Variants in CAPZB observed in about 807,000 individuals in gnomAD.
CAPZB encodes the protein F-actin-capping protein subunit beta.
A neutral mutation model predicts 38.1 loss-of-function variants in CAPZB; 2 were observed. The observed-to-expected ratio is 0.05, with a 90% CI of 0.02 to 0.17. The LOEUF (loss-of-function observed/expected upper bound fraction) is 0.17. Ranked by LOEUF, CAPZB falls within the 10% of genes least tolerant of loss-of-function variation. The pLI, the probability that CAPZB is intolerant of heterozygous loss-of-function variation, is 1.00. For synonymous variants in CAPZB, 107 were observed against 127.4 expected (o/e 0.84, Z 1.08); for missense variants, 161 against 334.2 (o/e 0.48, Z 4.04).
At chr1:19,473,721 G>A (rs751044201) in intron 1 of CAPZB, among the ~76,000 whole-genome samples, 4 of 152,096 alleles carry the variant, frequency 2.6e-5, no homozygotes, top group East Asian at 1.9e-4. Flanking sequence ...AAAATCAGCC[G>A]GGCATAGTGG....
At chr1:19,475,688 A>G (rs1500968) in intron 1 of CAPZB, among the ~76,000 whole-genome samples, 128,042 of 152,264 alleles carry the variant, frequency 0.84, 56,484 homozygotes, top group Non-Finnish European at 0.97. Flanking sequence ...CTAGTCTCAC[A>G]GTGGAATTGC....
At chr1:19,482,542 G>C (rs2094633399) in intron 1 of CAPZB, among the ~76,000 whole-genome samples, 1 of 152,210 alleles carries the variant, frequency 6.6e-6, no homozygotes, top group Non-Finnish European at 1.5e-5. Context: ...GCTGTGTAAG[G>C]AACGGTGCTC....
intron 1 of CAPZB, among the ~76,000 whole-genome samples, chr1:19,443,927 T>C (rs2094487583): frequency 6.6e-6 from 1 of 152,200 alleles, no homozygotes; most frequent in Non-Finnish European, 1.5e-5. Flanking sequence ...GGGTTCATAG[T>C]GCCCCTCTGT....
rs142628219 is a variant in CAPZB at position 19,347,659 on chromosome 1, C to T, written c.589-2407G>A. Among the ~76,000 whole-genome samples, 1,029 of 152,300 alleles carry T rather than the reference C, an allele frequency of 6.8e-3. 6 individuals carry two copies. The highest frequency in any genetic ancestry group is 0.019 in the African/African-American group (799 of 41,544). ...TTAAGTAAAGGCCCAGCTGAGAGAA[C>T]GACCAGCTTCCTATCGACAGTGTCA... On this transcript the variant is annotated intron_variant, in intron 6 of 8. Transcript: ENST00000264202.
At chr1:19,413,522 T>C (rs916340895) in intron 2 of CAPZB, among the ~76,000 whole-genome samples, 4 of 152,154 alleles carry the variant, frequency 2.6e-5, no homozygotes, top group African/African-American at 9.7e-5. Context: ...TTAGTAGAGA[T>C]GGAGTCTCCC....
intron 2 of CAPZB, among the ~76,000 whole-genome samples, chr1:19,387,798 C>G (rs1266691324): frequency 6.6e-6 from 1 of 152,206 alleles, no homozygotes; most frequent in Non-Finnish European, 1.5e-5. Flanking sequence ...TCTGGGTGCC[C>G]ATGCCCATGT....
chr1:19,474,611 G>A (rs764003617), intron 1 of CAPZB, among the ~76,000 whole-genome samples: 1 of 152,106 alleles, frequency 6.6e-6, no homozygotes, highest in Non-Finnish European at 1.5e-5. Flanking sequence ...CCTGAAGCAG[G>A]GCAGCTTGTA....
chr1:19,393,567 C>G (rs921051513), intron 2 of CAPZB, among the ~76,000 whole-genome samples: 1 of 152,216 alleles, frequency 6.6e-6, no homozygotes, highest in African/African-American at 2.4e-5. Flanking sequence ...TTGAGACTGA[C>G]CCAGCTCTTC....
chr1:19,409,939 A>G (rs72959352), intron 2 of CAPZB, among the ~76,000 whole-genome samples: 2,501 of 152,330 alleles, frequency 0.016, 62 homozygotes, highest in African/African-American at 0.056. Flanking sequence ...TCTTCAGTCC[A>G]TGAGAAATAC....
intron 4 of CAPZB, among the ~76,000 whole-genome samples, chr1:19,361,761 C>T (rs1189381338): frequency 1.3e-5 from 2 of 152,150 alleles, no homozygotes; most frequent in Non-Finnish European, 2.9e-5. Flanking sequence ...TGTGCTAAAA[C>T]GTTGTCTGAA....
At chr1:19,431,349 C>T (rs929828028) in intron 1 of CAPZB, among the ~76,000 whole-genome samples, 1 of 152,168 alleles carries the variant, frequency 6.6e-6, no homozygotes, top group African/African-American at 2.4e-5. Flanking sequence ...TGCTTCTGGT[C>T]CCAAGCATTT....
chr1:19,348,148 GTGA>G (rs1400733560), intron 6 of CAPZB, among the ~76,000 whole-genome samples: 4 of 152,206 alleles, frequency 2.6e-5, no homozygotes. Flanking sequence ...ACCCCATCGC[GTGA>G]TGAAGACACT....
At chr1:19,400,352 G>A (rs1215240969) in intron 2 of CAPZB, among the ~76,000 whole-genome samples, 1 of 152,172 alleles carries the variant, frequency 6.6e-6, no homozygotes, top group African/African-American at 2.4e-5. Flanking sequence ...AGGCTCCTCT[G>A]GGCTTCCCGG....
intron 2 of CAPZB, among the ~76,000 whole-genome samples, chr1:19,406,824 A>C (rs889826167): frequency 6.6e-6 from 1 of 152,180 alleles, no homozygotes; most frequent in African/African-American, 2.4e-5. Flanking sequence ...CGCAAGTTTG[A>C]CATGACCTCA....
intron 1 of CAPZB, among the ~76,000 whole-genome samples, chr1:19,478,806 G>C (rs2094616694): frequency 6.6e-6 from 1 of 152,238 alleles, no homozygotes; most frequent in Non-Finnish European, 1.5e-5. Context: ...AGGGAGCATA[G>C]CGCAGTGCCA....
chr1:19,416,860 C>CA lies in CAPZB; in HGVS notation c.93+2800dup, dbSNP rs59789230. On this transcript the variant is annotated intron_variant, in intron 2 of 8. Transcript: ENST00000264202. ...TGGGTGACAGAGCAAGACCCTGTCT[C>CA]AAAAAAAAAAAAAAAAAAAAAAAAA... Among the ~76,000 whole-genome samples, 305 of 69,420 alleles carry CA rather than the reference C, an allele frequency of 4.4e-3. 39 individuals carry two copies. The highest frequency in any genetic ancestry group is 0.013 in the South Asian group (23 of 1,832). 45.5% of individuals were successfully genotyped at this position (69,420 alleles called of 152,430 possible). A position where few individuals can be genotyped will look rare whatever the true frequency, so the allele number is the denominator to read the frequency against.
chr1:19,445,421 G>A (rs2094492824), intron 1 of CAPZB, among the ~76,000 whole-genome samples: 1 of 151,416 alleles, frequency 6.6e-6, no homozygotes, highest in South Asian at 2.1e-4. Flanking sequence ...AGTAAAACAT[G>A]CACTTTCCCC....
chr1:19,430,910 C>T (rs565748009), intron 1 of CAPZB, among the ~76,000 whole-genome samples: 36 of 152,340 alleles, frequency 2.4e-4, no homozygotes, highest in African/African-American at 8.2e-4. Flanking sequence ...CTCTCCGCCA[C>T]GTTTCTCAGG....
chr1:19,438,408 C>T lies in CAPZB; in HGVS notation c.4-18658G>A, dbSNP rs1196114570. ...AAGCTGGGCCTCTCTTCTACCACCTCGAAACTGTCCTGCTGCCAAACAGAT... is the reference window on the plus strand; with the variant it reads ...AAGCTGGGCCTCTCTTCTACCACCTTGAAACTGTCCTGCTGCCAAACAGAT... On this transcript the variant is annotated intron_variant, in intron 1 of 8. Coordinates refer to ENST00000264202, the MANE Select transcript of CAPZB (RefSeq NM_004930.5). 3.9e-5 allele frequency among the ~76,000 whole-genome samples: 6 copies of T among 152,284 alleles called. No homozygotes were observed. In the South Asian group the frequency reaches 1.0e-3, roughly 26 times the overall value.
Sources: allele counts gnomAD v4.1 joint callset (sites outside exome capture counted in the v4.1 genomes callset), GRCh38; gene constraint gnomAD v4.1.1; transcripts MANE v1.5; gene names NCBI Gene and HGNC (gene_info 2026-07-23, HGNC 2026-07-21).